The following CORO7 variants were observed in gnomAD, a reference collection of about 807,000 sequenced individuals.
CORO7 encodes the protein coronin-7.
CORO7 carries 107 observed loss-of-function variants against 126.6 expected under a neutral mutation model. The ratio of observed to expected loss-of-function variants is 0.85; its 90% CI spans 0.72 to 0.99. CORO7 has a LOEUF of 0.99. Among genes scored for constraint, CORO7 ranks in the 50% least tolerant of loss-of-function variants. CORO7 has a pLI of 0.00. For synonymous variants in CORO7, 603 were observed against 536.8 expected (o/e 1.12, Z -1.70); for missense variants, 1,314 against 1,255.8 (o/e 1.05, Z -0.70).
In CORO7 at chr16:4,362,268, G is replaced by C; in HGVS notation, c.1403-108C>G. ...TCCCCTCACCCCAGGTGGATGTACA[G>C]CATGGACCTAGGCCCAGGCCTTTGC... On this transcript the variant is annotated intron_variant, in intron 15 of 27. Coordinates refer to ENST00000251166, the MANE Select transcript of CORO7 (RefSeq NM_024535.5). The surrounding 1 kb of genome is among the most constrained non-coding windows in gnomAD (Gnocchi z 5.3). The C allele has an allele frequency of 7.0e-7, 1 of 1,437,082 alleles. No individual in the cohort carries two copies. 89.0% of individuals were successfully genotyped at this position (1,437,082 alleles called of 1,614,324 possible).
chr16:4,362,275 C>T lies in CORO7; in HGVS notation c.1403-115G>A, dbSNP rs560137003. ...ACCCCAGGTGGATGTACAGCATGGA[C>T]CTAGGCCCAGGCCTTTGCTAATCCA... On this transcript the variant is annotated intron_variant, in intron 15 of 27. Transcript: ENST00000251166. This position sits in a 1 kb window ranked among gnomAD's most constrained non-coding sequence, Gnocchi z 5.3. The T allele has an allele frequency of 9.3e-5, 132 of 1,412,040 alleles. 3 individuals carry two copies. In the South Asian group the frequency reaches 1.9e-3, roughly 20 times the overall value. 87.5% of individuals were successfully genotyped at this position (1,412,040 alleles called of 1,614,324 possible). A position where few individuals can be genotyped will look rare whatever the true frequency, so the allele number is the denominator to read the frequency against.
intron 9 of CORO7, among the ~76,000 whole-genome samples, chr16:4,376,359 C>T (rs1216612914): frequency 6.6e-6 from 1 of 152,216 alleles, no homozygotes; most frequent in Admixed American, 6.5e-5. Flanking sequence ...GCTGCCAGGC[C>T]TGACCGGCCA....
intron 9 of CORO7, chr16:4,381,510 C>T (rs1178533414): frequency 3.1e-6 from 5 of 1,595,670 alleles, no homozygotes; most frequent in Non-Finnish European, 3.4e-6. Context: ...ACGAGGGGCT[C>T]TTCAGCCGCT....
In CORO7 at chr16:4,382,333, G is replaced by A. The variant is rs2055013455; in HGVS notation, c.785+5653C>T. ...CGTGGGGCTGCAGCGCTACCTCCAGGGGAGCTCCGTGCAGCTCAGGAGCCT... is the reference window on the plus strand; with the variant it reads ...CGTGGGGCTGCAGCGCTACCTCCAGAGGAGCTCCGTGCAGCTCAGGAGCCT... On this transcript the variant is annotated intron_variant, in intron 9 of 27. Transcript: ENST00000251166. The A allele has an allele frequency of 6.2e-7, 1 of 1,611,358 alleles. No homozygotes were observed. Among genetic ancestry groups the A allele is most frequent in the Non-Finnish European group, 8.5e-7 (1 of 1,179,328 alleles).
At chr16:4,381,746 T>C in intron 9 of CORO7, 1 of 1,604,016 alleles carries the variant, frequency 6.2e-7, no homozygotes, top group South Asian at 1.1e-5. Flanking sequence ...TTCCCCCGCC[T>C]GCGGCTGCTG....
intron 9 of CORO7, among the ~76,000 whole-genome samples, chr16:4,370,339 G>C (rs542397670): frequency 3.3e-5 from 5 of 152,360 alleles, no homozygotes; most frequent in African/African-American, 1.2e-4. Flanking sequence ...GCAGCAGGGA[G>C]TGGTGGGGAC....
chr16:4,412,255 G>T, intron 3 of CORO7, 101 bp downstream of exon 3: 1 of 1,326,838 alleles, frequency 7.5e-7, no homozygotes, highest in Non-Finnish European at 1.1e-6. Context: ...GGAGGGACCT[G>T]GCAAGCCATG....
chr16:4,400,632 TCAAAAACAAAAACAAAAA>T (rs534799292), intron 6 of CORO7, among the ~76,000 whole-genome samples: 3 of 149,596 alleles, frequency 2.0e-5, no homozygotes, highest in Non-Finnish European at 4.4e-5. Context: ...AGACTCTGTC[TCAAAAACAAAAACAAAAA>T]CAAAAACAAA....
Position 4,405,522 on chromosome 16 carries a change from C to G in CORO7, c.533G>C (p.Arg178Pro). ...GDLVQSAVWS[R>P]DGALVGTACK... ...CGCCGTGCCCACCAGGGCTCCATCT[C>G]GGCTCCAGACGGCGCTCTGCACCAG... Residue 178 changes from arginine (R) to proline (P), a missense_variant, in exon 6 of 28, where the codon CGA becomes CCA. By Grantham distance (103) the Arg-to-Pro change is moderately radical. Coordinates refer to ENST00000251166, the MANE Select transcript of CORO7 (RefSeq NM_024535.5). The G allele has an allele frequency of 1.2e-6, 2 of 1,612,734 alleles. No homozygotes were observed. Among genetic ancestry groups the G allele is most frequent in the East Asian group, 2.2e-5 (1 of 44,878 alleles).
intron 7 of CORO7, among the ~76,000 whole-genome samples, chr16:4,392,059 C>A (rs1197188684): frequency 6.6e-6 from 1 of 152,156 alleles, no homozygotes; most frequent in Non-Finnish European, 1.5e-5. Flanking sequence ...CCCCACTTAC[C>A]CCCTTCCCTC....
At chr16:4,378,645 C>T (rs2054839273) in intron 9 of CORO7, among the ~76,000 whole-genome samples, 1 of 152,048 alleles carries the variant, frequency 6.6e-6, no homozygotes, top group Non-Finnish European at 1.5e-5. Flanking sequence ...CTGGCCGGGC[C>T]AGGGACGCGT....
rs1298321346 is a variant in CORO7, at chr16:4,401,339, G to A, written c.564+4152C>T. Among the ~76,000 whole-genome samples, 4 of 152,366 alleles carry A rather than the reference G, an allele frequency of 2.6e-5. No individual in the cohort carries two copies. The East Asian group carries it at 7.7e-4, about 29-fold the overall frequency. ...GGGGCCGTGGGCACACGCATGGCTG[G>A]CAGAGGCGGGGGCCTGTCTGGAGAG... On this transcript the variant is annotated intron_variant, in intron 6 of 27. Transcript: ENST00000251166.
At chr16:4,371,697 AG>A (rs2054528696) in intron 9 of CORO7, among the ~76,000 whole-genome samples, 1 of 152,186 alleles carries the variant, frequency 6.6e-6, no homozygotes, top group Admixed American at 6.5e-5. Context: ...CCGCAGGGTG[AG>A]GGCCAGGGCA....
chr16:4,407,413 AT>A, intron 5 of CORO7, 87 bp downstream of exon 5: 1 of 1,458,784 alleles, frequency 6.9e-7, no homozygotes, highest in Non-Finnish European at 9.2e-7. Flanking sequence ...CTGTTTTTAA[AT>A]TTATGTGACT....
intron 6 of CORO7, among the ~76,000 whole-genome samples, chr16:4,396,878 T>C (rs1421684791): frequency 1.3e-5 from 2 of 151,986 alleles, no homozygotes; most frequent in East Asian, 1.9e-4. Context: ...TAGCCGGGCA[T>C]GGTGGCAGGC....
intron 26 of CORO7, among the ~76,000 whole-genome samples, chr16:4,356,014 C>T (rs2053966528): frequency 6.6e-6 from 1 of 151,914 alleles, no homozygotes; most frequent in Non-Finnish European, 1.5e-5. Flanking sequence ...AGTGCAATGG[C>T]ACAATCTCGG....
At chr16:4,356,123 TTG>T (rs1479194273) in intron 26 of CORO7, among the ~76,000 whole-genome samples, 6 of 151,880 alleles carry the variant, frequency 4.0e-5, no homozygotes, top group African/African-American at 1.4e-4. Context: ...CCGGCTAATT[TTG>T]TGTTTTTAGT....
chr16:4,415,102 A>C (rs2056357649), intron 1 of CORO7, among the ~76,000 whole-genome samples: 1 of 152,090 alleles, frequency 6.6e-6, no homozygotes, highest in African/African-American at 2.4e-5. Context: ...TCCTGAGCTC[A>C]AAGCAGTCCA....
chr16:4,379,342 C>T (rs377470352), intron 9 of CORO7, among the ~76,000 whole-genome samples: 53 of 152,154 alleles, frequency 3.5e-4, no homozygotes, highest in African/African-American at 7.2e-4. Context: ...TTCCTGGGGA[C>T]GGCCCCAGCG....
Sources: gnomAD v4.1 joint callset for allele counts (sites outside exome capture counted in the v4.1 genomes callset) on GRCh38, gnomAD v4.1.1 for gene constraint, Gnocchi (gnomAD v3.1) non-coding constraint, MANE v1.5 for transcripts, NCBI Gene and HGNC (gene_info 2026-07-23, HGNC 2026-07-21) for gene names.